Variants in ANKRD22 observed in about 807,000 individuals in gnomAD.
The protein encoded by ANKRD22 is ankyrin repeat domain 22.
Under a neutral mutation model 25.7 loss-of-function variants are expected in ANKRD22, and 24 were observed. The ratio of observed to expected loss-of-function variants is 0.93; its 90% CI spans 0.68 to 1.31. The LOEUF is 1.31. Ranked by LOEUF, ANKRD22 falls within the 50% of genes most tolerant of loss-of-function variation. The pLI, the probability that ANKRD22 is intolerant of heterozygous loss-of-function variation, is 0.00. For missense variants in ANKRD22, 214 were observed against 227.1 expected, an observed-to-expected ratio of 0.94 and a Z score of 0.37; for synonymous variants, 84 against 84.3, an observed-to-expected ratio of 1.00 and a Z score of 0.02.
rs752115742 is a variant in ANKRD22, at chr10:88,851,651, T to A, written c.-44A>T. Reference sequence around the variant, plus strand: ...TACTTCACCTCTACAGCTCCTTGAATCTTCTGGAGGTATTTCTGATGAATA... The same window carrying A: ...TACTTCACCTCTACAGCTCCTTGAAACTTCTGGAGGTATTTCTGATGAATA... On this transcript the variant is annotated 5_prime_UTR_variant, in exon 1 of 6. Transcript: ENST00000371930. The A allele has an allele frequency of 1.9e-6, 3 of 1,606,706 alleles. 1 individual carries two copies. Among genetic ancestry groups the A allele is most frequent in the South Asian group, 2.2e-5 (2 of 90,900 alleles).
intron 1 of ANKRD22, among the ~76,000 whole-genome samples, chr10:88,847,785 C>CA (rs1413266965): frequency 6.6e-6 from 1 of 150,894 alleles, no homozygotes; most frequent in Non-Finnish European, 1.5e-5. Context: ...CCCCAAAAAA[C>CA]AAAAAAAGAC....
intron 4 of ANKRD22, among the ~76,000 whole-genome samples, chr10:88,824,682 C>A (rs1479447406): frequency 6.6e-6 from 1 of 152,106 alleles, no homozygotes; most frequent in African/African-American, 2.4e-5. Flanking sequence ...AGGCTAGTGT[C>A]ACTGTGCCTA....
intron 1 of ANKRD22, among the ~76,000 whole-genome samples, chr10:88,848,935 T>C (rs1289693434): frequency 6.6e-6 from 1 of 152,118 alleles, no homozygotes; most frequent in Non-Finnish European, 1.5e-5. Context: ...TTTTCTGTAG[T>C]AACATCAGCT....
chr10:88,821,203 C>G lies in ANKRD22; in HGVS notation c.*1738G>C, dbSNP rs1413326366. Among the ~76,000 whole-genome samples, 1 of 152,192 alleles carries G rather than the reference C, an allele frequency of 6.6e-6. No homozygotes were observed. Among genetic ancestry groups the G allele is most frequent in the Non-Finnish European group, 1.5e-5 (1 of 68,026 alleles). On this transcript the variant is annotated 3_prime_UTR_variant, in exon 6 of 6. Transcript: ENST00000371930. Reference sequence around the variant, plus strand: ...AGCTTGTTGCTAGGAGACCTAATGACTAAAAATTTCTGGCTCAATTTTCTG... The same window carrying G: ...AGCTTGTTGCTAGGAGACCTAATGAGTAAAAATTTCTGGCTCAATTTTCTG...
chr10:88,831,707 A>G, intron 2 of ANKRD22, 128 bp downstream of exon 2: 1 of 915,476 alleles, frequency 1.1e-6, no homozygotes, highest in Admixed American at 3.5e-5. Context: ...TTTCTAAAGT[A>G]GGCTAAGATA....
intron 1 of ANKRD22, among the ~76,000 whole-genome samples, chr10:88,848,629 G>A (rs1844075603): frequency 6.6e-6 from 1 of 152,104 alleles, no homozygotes; most frequent in Non-Finnish European, 1.5e-5. Context: ...TGTTAAATGT[G>A]AAACCAGATC....
intron 1 of ANKRD22, among the ~76,000 whole-genome samples, chr10:88,850,631 A>G (rs1352459611): frequency 6.6e-6 from 1 of 152,154 alleles, no homozygotes; most frequent in Non-Finnish European, 1.5e-5. Flanking sequence ...CTAAAGTTTG[A>G]GAGTTACCAG....
rs1843766900 is a variant in ANKRD22, at chr10:88,819,957, A to C, written c.*2984T>G. On this transcript the variant is annotated 3_prime_UTR_variant, in exon 6 of 6. Transcript: ENST00000371930. ...TAGGAAGAAAAAAGAAATACAAGGC[A>C]TTACATGTTTTTATGTGTTTTGTCA... 6.6e-6 allele frequency among the ~76,000 whole-genome samples: 1 copy of C among 152,250 alleles called. No homozygotes were observed. Among genetic ancestry groups the C allele is most frequent in the African/African-American group, 2.4e-5 (1 of 41,470 alleles).
intron 1 of ANKRD22, among the ~76,000 whole-genome samples, chr10:88,846,530 C>G (rs528602124): frequency 1.3e-5 from 2 of 152,238 alleles, no homozygotes; most frequent in South Asian, 2.1e-4. Context: ...TTCATCCAGT[C>G]CAGCTTCCCT....
At chr10:88,843,082 C>T (rs1370399074) in intron 1 of ANKRD22, among the ~76,000 whole-genome samples, 3 of 152,116 alleles carry the variant, frequency 2.0e-5, no homozygotes, top group South Asian at 4.1e-4. Flanking sequence ...CTTCCATTAG[C>T]GTGCAGCTCT....
chr10:88,840,822 A>G (rs756710785), intron 1 of ANKRD22, among the ~76,000 whole-genome samples: 24 of 152,160 alleles, frequency 1.6e-4, no homozygotes, highest in South Asian at 4.1e-4. Flanking sequence ...TTTGTTTCTG[A>G]TAACTCACTC....
intron 3 of ANKRD22, 67 bp downstream of exon 3, chr10:88,828,492 G>T: frequency 5.1e-6 from 6 of 1,184,256 alleles, no homozygotes; most frequent in South Asian, 2.7e-5. Context: ...CACTGGCCTG[G>T]CAAGAGTCAA....
Position 88,820,235 on chromosome 10 carries a change from A to C in ANKRD22, c.*2706T>G. ...AAGAACTATTCCTTTTCTCTAGCCAACTCCTGTAAGGTACAGAGTCAGAGA... is the reference window on the plus strand; with the variant it reads ...AAGAACTATTCCTTTTCTCTAGCCACCTCCTGTAAGGTACAGAGTCAGAGA... On this transcript the variant is annotated 3_prime_UTR_variant, in exon 6 of 6. Coordinates refer to ENST00000371930, the MANE Select transcript of ANKRD22 (RefSeq NM_144590.3). The C allele has an allele frequency of 6.5e-7, 1 of 1,548,672 alleles. No individual in the cohort carries two copies. Among genetic ancestry groups the C allele is most frequent in the Non-Finnish European group, 8.7e-7 (1 of 1,145,894 alleles).
chr10:88,836,096 C>G (rs1843951837), intron 1 of ANKRD22, among the ~76,000 whole-genome samples: 1 of 152,176 alleles, frequency 6.6e-6, no homozygotes, highest in Admixed American at 6.5e-5. Context: ...TCATTCTCAC[C>G]AAGACTATTG....
At chr10:88,842,653 C>A (rs920862753) in intron 1 of ANKRD22, among the ~76,000 whole-genome samples, 2 of 152,078 alleles carry the variant, frequency 1.3e-5, no homozygotes, top group African/African-American at 2.4e-5. Context: ...ATACGACAAA[C>A]CTTCCCAAGC....
At chr10:88,824,513 C>T (rs1843834734) in intron 4 of ANKRD22, among the ~76,000 whole-genome samples, 1 of 152,178 alleles carries the variant, frequency 6.6e-6, no homozygotes, top group Non-Finnish European at 1.5e-5. Context: ...TCCAAAAATA[C>T]AAAACACTGT....
At chr10:88,831,683 G>T in intron 2 of ANKRD22, 152 bp downstream of exon 2, 2 of 652,062 alleles carry the variant, frequency 3.1e-6, no homozygotes, top group Non-Finnish European at 4.7e-6. Context: ...AAATGTCCTT[G>T]GTATGTGTCA....
intron 1 of ANKRD22, among the ~76,000 whole-genome samples, chr10:88,850,947 C>A (rs1367206283): frequency 6.6e-6 from 1 of 152,086 alleles, no homozygotes; most frequent in Non-Finnish European, 1.5e-5. Flanking sequence ...ACCTCTTGTA[C>A]TCTTGTCTAA....
At chr10:88,836,796 G>A (rs1297673243) in intron 1 of ANKRD22, among the ~76,000 whole-genome samples, 1 of 152,142 alleles carries the variant, frequency 6.6e-6, no homozygotes, top group East Asian at 1.9e-4. Flanking sequence ...GAGATAAGAA[G>A]TGTCATCAGA....
Sources: gnomAD v4.1 joint callset for allele counts (sites outside exome capture counted in the v4.1 genomes callset) on GRCh38, gnomAD v4.1.1 for gene constraint, MANE v1.5 for transcripts, NCBI Gene and HGNC (gene_info 2026-07-23, HGNC 2026-07-21) for gene names.